ANHX: variants seen among roughly 807,000 people sequenced by gnomAD.
ANHX encodes anomalous homeobox, also known as anomalous homeobox protein.
Under a neutral mutation model 38.9 loss-of-function variants are expected in ANHX, and 20 were observed. That is an observed-to-expected ratio of 0.51 (90% CI 0.36 to 0.75). The LOEUF is 0.75. Ranked by LOEUF, ANHX falls within the 30% of genes least tolerant of loss-of-function variation. ANHX has a pLI of 0.00. For missense variants in ANHX, 475 were observed against 493.1 expected (o/e 0.96, Z 0.35); for synonymous variants, 185 against 203.1 (o/e 0.91, Z 0.76).
chr12:133,229,744 A>G (rs1957241898), intron 3 of ANHX, among the ~76,000 whole-genome samples: 1 of 152,180 alleles, frequency 6.6e-6, no homozygotes, highest in Non-Finnish European at 1.5e-5. Flanking sequence ...CAGCATGGTC[A>G]TAACCCAATC....
rs1566404890 is a variant in ANHX at position 133,224,950 on chromosome 12, A to AGAGTG, written c.1132+585_1132+586insCACTC. Among the ~76,000 whole-genome samples the AGAGTG allele has an allele frequency of 1.6e-3, 236 of 147,660 alleles. 1 individual carries two copies. Among genetic ancestry groups the AGAGTG allele is most frequent in the African/African-American group, 5.8e-3 (226 of 39,204 alleles). On this transcript the variant is annotated intron_variant, in intron 7 of 9. Transcript: ENST00000545940. ...CCACTGCACTCCAGCCTGGGTGAGC[A>AGAGTG]AGACTCCGTCTCAAAAAAAAAAAAA...
In ANHX at chr12:133,227,812, T is replaced by G; in HGVS notation, c.501+12A>C. The G allele has an allele frequency of 6.5e-7, 1 of 1,535,614 alleles. No homozygotes were observed. The highest frequency in any genetic ancestry group is 8.7e-7 in the Non-Finnish European group (1 of 1,146,632). ...AGGGACCCCCTGGGTCCTGGGTATC[T>G]TCTATTCTTACCCTCTCAGCCTTGC... is the stretch of plus-strand genomic sequence containing the variant. On this transcript the variant is annotated intron_variant, in intron 4 of 9. Coordinates refer to ENST00000545940, the MANE Select transcript of ANHX (RefSeq NM_001372060.1).
Position 133,218,848 on chromosome 12 carries a change from G to A in ANHX, c.*37C>T, listed in dbSNP as rs1172210123. 38 of 1,436,944 alleles carry A rather than the reference G, an allele frequency of 2.6e-5. No individual in the cohort carries two copies. Among genetic ancestry groups the A allele is most frequent in the South Asian group, 5.4e-5 (4 of 74,354 alleles). 89.0% of individuals were successfully genotyped at this position (1,436,944 alleles called of 1,614,324 possible). On this transcript the variant is annotated 3_prime_UTR_variant, in exon 10 of 10. Transcript: ENST00000545940. ...TTGACCAGGCAGACCATCCACACCC[G>A]CTCCTCCTGGGGTGCTGTCTGGCTC...
rs1957180365 is a variant in ANHX at position 133,225,704 on chromosome 12, G to C, written c.964C>G (p.Leu322Val). 6.6e-6 allele frequency among the ~76,000 whole-genome samples: 1 copy of C among 152,236 alleles called. No individual in the cohort carries two copies. The highest frequency in any genetic ancestry group is 1.5e-5 in the Non-Finnish European group (1 of 68,042). The change falls in exon 7 of 10, where the codon CTG becomes GTG. Residue 322 changes from leucine to valine, a missense_variant. By Grantham distance (32) the Leu-to-Val change is conservative. Coordinates refer to ENST00000545940, the MANE Select transcript of ANHX (RefSeq NM_001372060.1). ...AAGNDMLNPS[L>V]AAPESWLMSL... ...ATCAGCCAAGATTCAGGGGCAGCCA[G>C]AGAGGGGTTCAGCATGTCATTGCCA...
chr12:133,219,205 C>A lies in ANHX; in HGVS notation c.1365+78G>T. ...GGTGTATTCACTCCAGTGGCACTAG[C>A]TGAACCCTCCTCAGCACCATGAGCT... is the stretch of plus-strand genomic sequence containing the variant. On this transcript the variant is annotated intron_variant, in intron 9 of 9. Coordinates refer to ENST00000545940, the MANE Select transcript of ANHX (RefSeq NM_001372060.1). 3.7e-6 allele frequency: 5 copies of A among 1,333,588 alleles called. No homozygotes were observed. In the South Asian group the frequency reaches 6.3e-5, roughly 17 times the overall value. 82.6% of individuals were successfully genotyped at this position (1,333,588 alleles called of 1,614,324 possible).
chr12:133,219,958 A>G (rs1454417999), intron 8 of ANHX, among the ~76,000 whole-genome samples: 2 of 152,222 alleles, frequency 1.3e-5, no homozygotes, highest in East Asian at 3.8e-4. Flanking sequence ...TGACTCTCAA[A>G]GTCGTCATGC....
chr12:133,234,283 G>C lies in ANHX; in HGVS notation c.74C>G (p.Ala25Gly), dbSNP rs760700021. ...CAPPAELVTL[A>G]GRLCRDFQDD... ...CTGGAAGTCCCGGCACAGTCTGCCC[G>C]CAAGGGTCACCAGCTCCGCCGGGGG... Residue 25 changes from alanine (A) to glycine (G), a missense_variant, in exon 2 of 10, where the codon GCG becomes GGG. Transcript: ENST00000545940. 1.4e-5 allele frequency: 21 copies of C among 1,536,034 alleles called. No individual in the cohort carries two copies. In the Admixed American group the frequency reaches 2.9e-4, roughly 22 times the overall value.
At chr12:133,225,865 G>C (rs1957182184) in intron 6 of ANHX, among the ~76,000 whole-genome samples, 37 bp from the exon 7 acceptor site, 1 of 152,236 alleles carries the variant, frequency 6.6e-6, no homozygotes, top group Non-Finnish European at 1.5e-5. Flanking sequence ...TTGGTGGGCA[G>C]AGCCTCCCTC....
rs1047967152 is a variant in ANHX, at chr12:133,234,110, C to T, written c.247G>A (p.Glu83Lys). ...EQQQAACRLLEGCQVPGGSQE... is the reference protein window; with the variant it reads ...EQQQAACRLLKGCQVPGGSQE... ...CTACCCCTGTAGCCCAGGCCTACCT[C>T]CAGGAGGCGGCAAGCCGCCTGCTGC... Residue 83 changes from glutamate (E) to lysine (K), a missense_variant and splice_region_variant, in exon 2 of 10, where the codon GAG (glutamate) becomes AAG (lysine). By Grantham distance (56) the Glu-to-Lys change is moderately conservative. Coordinates refer to ENST00000545940, the MANE Select transcript of ANHX (RefSeq NM_001372060.1). The T allele has an allele frequency of 5.2e-6, 8 of 1,535,366 alleles. No individual in the cohort carries two copies. The highest frequency in any genetic ancestry group is 6.1e-6 in the Non-Finnish European group (7 of 1,146,824).
At chr12:133,231,689 G>C (rs150558535) in intron 2 of ANHX, 45 bp from the exon 3 acceptor site, 92,453 of 1,533,712 alleles carry the variant, frequency 0.06, 3,034 homozygotes, top group Non-Finnish European at 0.065. Flanking sequence ...GCCCACCCTG[G>C]AGCACTGTTG....
At chr12:133,231,141 C>T (rs1402076467) in intron 3 of ANHX, among the ~76,000 whole-genome samples, 3 of 152,156 alleles carry the variant, frequency 2.0e-5, no homozygotes, top group Non-Finnish European at 4.4e-5. Context: ...TTCCCACCTG[C>T]CCTCCATCTC....
At position 133,231,549 on chromosome 12, in the gene ANHX, G is replaced by T; in HGVS notation, c.345C>A (p.Leu115=). 1 of 1,536,132 alleles carries T rather than the reference G, an allele frequency of 6.5e-7. No individual in the cohort carries two copies. Among genetic ancestry groups the T allele is most frequent in the South Asian group, 1.2e-5 (1 of 84,060 alleles). ...LVMRRLGVAA[L]TPVQKFRCRK... Reference sequence around the variant, plus strand: ...TGCAGCGGAACTTCTGCACCGGGGTGAGCGCAGCCACGCCCAGCCTCCTCA... The same window carrying T: ...TGCAGCGGAACTTCTGCACCGGGGTTAGCGCAGCCACGCCCAGCCTCCTCA... Residue 115 remains leucine (L), a synonymous_variant, in exon 3 of 10, where the codon CTC becomes CTA. Transcript: ENST00000545940.
chr12:133,231,766 C>T (rs1039230351), intron 2 of ANHX, 122 bp from the exon 3 acceptor site: 1 of 1,274,766 alleles, frequency 7.8e-7, no homozygotes, highest in African/African-American at 1.5e-5. Flanking sequence ...GAGCAGGGTT[C>T]TGGGTTCAAA....
chr12:133,227,161 AAAC>A lies in ANHX; in HGVS notation c.502-12_502-10del, dbSNP rs1169305189. On this transcript the variant is annotated splice_polypyrimidine_tract_variant and intron_variant, in intron 4 of 9. Transcript: ENST00000545940. The stretch of plus-strand genomic sequence containing the variant: ...TCCAATGCCAAGTTCTCCTGCCCCC[AAAC>A]AACAAGACTTCTAGCCCTGCTTCCA... 5 of 1,531,340 alleles carry A rather than the reference AAAC, an allele frequency of 3.3e-6. No individual in the cohort carries two copies. The Admixed American group carries it at 5.9e-5, about 18-fold the overall frequency. The allele number at this position is 1,531,340 out of a possible 1,614,324, so 94.9% of individuals were successfully genotyped here.
intron 1 of ANHX, chr12:133,234,672 T>C (rs939350582): frequency 3.7e-5 from 13 of 354,528 alleles, no homozygotes; most frequent in Non-Finnish European, 5.8e-5. Context: ...CTCAGTAGGG[T>C]AGGGACCTTG....
At chr12:133,227,370 C>T (rs1033389960) in intron 4 of ANHX, among the ~76,000 whole-genome samples, 6 of 152,252 alleles carry the variant, frequency 3.9e-5, no homozygotes, top group African/African-American at 1.4e-4. Flanking sequence ...CCAGGTCAGG[C>T]TGTCTGCACA....
At chr12:133,225,981 A>C (rs574943935) in intron 6 of ANHX, among the ~76,000 whole-genome samples, 153 bp from the exon 7 acceptor site, 1 of 146,980 alleles carries the variant, frequency 6.8e-6, no homozygotes, top group South Asian at 2.2e-4. Flanking sequence ...AAAACAGACA[A>C]AGTACTAGAA....
At chr12:133,230,817 C>T (rs1957261639) in intron 3 of ANHX, among the ~76,000 whole-genome samples, 2 of 152,054 alleles carry the variant, frequency 1.3e-5, no homozygotes. Flanking sequence ...CCTGGCTTTG[C>T]AACTCTCTCT....
Position 133,227,044 on chromosome 12 carries a change from G to C in ANHX, c.610C>G (p.Gln204Glu), listed in dbSNP as rs1269881272. 6.5e-6 allele frequency: 10 copies of C among 1,535,924 alleles called. No individual in the cohort carries two copies. Among genetic ancestry groups the C allele is most frequent in the Non-Finnish European group, 7.8e-6 (9 of 1,146,854 alleles). ...GCACCAGGGTCTTCAGCTGTGGCCT[G>C]CTGGGCTGGCTTCATGTGCTGGGGA... ...ALPQHMKPAQ[Q>E]ATAEDPGARE... The change falls in exon 5 of 10, where the codon CAG (glutamine) becomes GAG (glutamate). Residue 204 changes from glutamine to glutamate, a missense_variant. Transcript: ENST00000545940.
Sources: gnomAD v4.1 joint callset for allele counts (sites outside exome capture counted in the v4.1 genomes callset) on GRCh38, gnomAD v4.1.1 for gene constraint, MANE v1.5 for transcripts, NCBI Gene and HGNC (gene_info 2026-07-23, HGNC 2026-07-21) for gene names.